COX7B2: variants seen among roughly 807,000 people sequenced by gnomAD.
The protein encoded by COX7B2 is cytochrome c oxidase subunit 7B2, also known as cytochrome c oxidase subunit 7B2, mitochondrial.
For missense variants in COX7B2, 109 were observed against 95.9 expected (o/e 1.14, Z -0.57); for synonymous variants, 37 against 32.1 (o/e 1.15, Z -0.51).
chr4:46,743,337 T>G (rs1319918864), intron 2 of COX7B2, among the ~76,000 whole-genome samples: 2 of 152,176 alleles, frequency 1.3e-5, no homozygotes, highest in African/African-American at 4.8e-5. Flanking sequence ...ACAATTACTT[T>G]GCACAGGTAT....
intron 2 of COX7B2, among the ~76,000 whole-genome samples, chr4:46,832,648 G>A (rs1715223561): frequency 6.6e-6 from 1 of 152,066 alleles, no homozygotes; most frequent in African/African-American, 2.4e-5. Context: ...GGAGGTGATT[G>A]GCGCATGGAG....
intron 2 of COX7B2, among the ~76,000 whole-genome samples, chr4:46,806,395 A>G (rs990218320): frequency 1.3e-5 from 2 of 152,040 alleles, no homozygotes; most frequent in Admixed American, 1.3e-4. Context: ...AATATTCATA[A>G]GTTTTTTGTT....
intron 2 of COX7B2, among the ~76,000 whole-genome samples, chr4:46,827,765 T>C (rs1259381209): frequency 6.6e-6 from 1 of 152,210 alleles, no homozygotes; most frequent in Non-Finnish European, 1.5e-5. Flanking sequence ...TGAATGTGTG[T>C]GTGTCTATAT....
chr4:46,781,852 C>T (rs2109553720), intron 2 of COX7B2, among the ~76,000 whole-genome samples: 1 of 152,362 alleles, frequency 6.6e-6, no homozygotes, highest in Admixed American at 6.5e-5. Context: ...GTGCGGGGTC[C>T]CTCAGCATTA....
In COX7B2 at chr4:46,778,743, T is replaced by A. The variant is rs1299319952; in HGVS notation, c.-49-43502A>T. On this transcript the variant is annotated intron_variant, in intron 2 of 2. Coordinates refer to ENST00000355591, the MANE Select transcript of COX7B2 (RefSeq NM_130902.3). ...ATATATCAATTAGTTCCATCAGTAT[T>A]AAAGTATTTGCTAGTATTTTTAGCA... Among the ~76,000 whole-genome samples, 3 of 152,178 alleles carry A rather than the reference T, an allele frequency of 2.0e-5. No individual in the cohort carries two copies. In the East Asian group the frequency reaches 5.8e-4, roughly 29 times the overall value.
At chr4:46,809,402 C>T (rs533574504) in intron 2 of COX7B2, among the ~76,000 whole-genome samples, 37 of 151,754 alleles carry the variant, frequency 2.4e-4, no homozygotes, top group African/African-American at 4.8e-4. Flanking sequence ...TTAATGTAGG[C>T]GTTTATTTCT....
intron 1 of COX7B2, among the ~76,000 whole-genome samples, chr4:46,908,840 G>C (rs1033154971): frequency 6.6e-6 from 1 of 151,610 alleles, no homozygotes; most frequent in African/African-American, 2.4e-5. Flanking sequence ...AGGAGATCGA[G>C]ACCATCCTGG....
intron 2 of COX7B2, among the ~76,000 whole-genome samples, chr4:46,826,560 C>T (rs879653567): frequency 2.0e-5 from 3 of 151,902 alleles, no homozygotes; most frequent in Admixed American, 6.6e-5. Context: ...CACATGCACG[C>T]GAATGTTCAT....
At chr4:46,752,367 G>C (rs1373799341) in intron 2 of COX7B2, among the ~76,000 whole-genome samples, 1 of 151,652 alleles carries the variant, frequency 6.6e-6, no homozygotes, top group Non-Finnish European at 1.5e-5. Context: ...TCTGCAAACA[G>C]GGACAATTTG....
chr4:46,894,331 G>T (rs1195084148), intron 1 of COX7B2, among the ~76,000 whole-genome samples: 5 of 151,952 alleles, frequency 3.3e-5, no homozygotes, highest in Non-Finnish European at 7.4e-5. Flanking sequence ...CCAGAAATAA[G>T]GCTGCCCACC....
intron 2 of COX7B2, among the ~76,000 whole-genome samples, chr4:46,832,622 G>C (rs1205022151): frequency 6.6e-6 from 1 of 152,150 alleles, no homozygotes; most frequent in Non-Finnish European, 1.5e-5. Flanking sequence ...CCCAATGTTG[G>C]AGGTGGTATC....
chr4:46,829,489 G>C (rs978104230), intron 2 of COX7B2, among the ~76,000 whole-genome samples: 6 of 152,036 alleles, frequency 3.9e-5, no homozygotes, highest in African/African-American at 1.4e-4. Context: ...CATTCAATTA[G>C]TAATAGTTTT....
chr4:46,858,737 C>A (rs2109795381), intron 1 of COX7B2, among the ~76,000 whole-genome samples: 1 of 152,200 alleles, frequency 6.6e-6, no homozygotes, highest in Admixed American at 6.5e-5. Flanking sequence ...TTGCCTGAGT[C>A]ATAGGAGTTG....
intron 2 of COX7B2, among the ~76,000 whole-genome samples, chr4:46,831,283 C>T (rs1012385479): frequency 2.0e-5 from 3 of 152,150 alleles, no homozygotes; most frequent in East Asian, 1.9e-4. Context: ...CACACAGCAG[C>T]GCTCAGGACC....
In COX7B2 at chr4:46,907,064, C is replaced by T. The variant is rs17538166; in HGVS notation, c.-105+2096G>A. Among the ~76,000 whole-genome samples the T allele has an allele frequency of 4.3e-3, 662 of 152,322 alleles. 2 individuals carry two copies. Among genetic ancestry groups the T allele is most frequent in the Middle Eastern group, 6.8e-3 (2 of 294 alleles). On this transcript the variant is annotated intron_variant, in intron 1 of 2. Transcript: ENST00000355591. ...TGACTTCTTAACAGTTTCCTATTTC[C>T]TGACTCTCTTTCAAGGAGCCATTCC...
At chr4:46,908,921 G>A (rs1205873916) in intron 1 of COX7B2, among the ~76,000 whole-genome samples, 1 of 151,974 alleles carries the variant, frequency 6.6e-6, no homozygotes, top group East Asian at 1.9e-4. Flanking sequence ...GCGGGCCCCT[G>A]TAGTCCCAGC....
chr4:46,830,692 G>A lies in COX7B2; in HGVS notation c.-50+14268C>T, dbSNP rs76883190. ...GAAATCTAAGTGGCTTAACACAATA[G>A]ATGCTTATTTCTTGCTCATATAAGC... On this transcript the variant is annotated intron_variant, in intron 2 of 2. Transcript: ENST00000355591. Among the ~76,000 whole-genome samples, 836 of 152,340 alleles carry A rather than the reference G, an allele frequency of 5.5e-3. 10 individuals carry two copies. Among genetic ancestry groups the A allele is most frequent in the African/African-American group, 0.019 (807 of 41,580 alleles).
intron 2 of COX7B2, among the ~76,000 whole-genome samples, chr4:46,747,309 T>C (rs1220910929): frequency 6.6e-6 from 1 of 151,772 alleles, no homozygotes; most frequent in Non-Finnish European, 1.5e-5. Context: ...TTTATTTTAT[T>C]TTATTATTTT....
intron 2 of COX7B2, among the ~76,000 whole-genome samples, chr4:46,782,693 C>T (rs1320874116): frequency 6.6e-6 from 1 of 152,198 alleles, no homozygotes; most frequent in Non-Finnish European, 1.5e-5. Context: ...CCATGAAGGT[C>T]TTCAGCTTCA....
Sources: gnomAD v4.1 joint callset for allele counts (sites outside exome capture counted in the v4.1 genomes callset) on GRCh38, gnomAD v4.1.1 for gene constraint, MANE v1.5 for transcripts, NCBI Gene and HGNC (gene_info 2026-07-23, HGNC 2026-07-21) for gene names.